The following ZNF621 variants were observed in gnomAD, a reference collection of about 807,000 sequenced individuals.
ZNF621 encodes zinc finger protein 621.
A neutral mutation model predicts 12.7 loss-of-function variants in ZNF621; 6 were observed. That is an observed-to-expected ratio of 0.47 (90% CI 0.26 to 0.93). ZNF621 has a LOEUF of 0.93. ZNF621 is among the 40% of genes least tolerant of loss of function. The probability of loss-of-function intolerance (pLI) is 0.15; values close to 1 mark genes in which losing one functional copy is unlikely to be tolerated. For synonymous variants in ZNF621, 156 were observed against 190.3 expected, an observed-to-expected ratio of 0.82 and a Z score of 1.48; for missense variants, 474 against 524.0, an observed-to-expected ratio of 0.90 and a Z score of 0.93.
At chr3:40,529,719 C>A in intron 3 of ZNF621, 1 of 740,532 alleles carries the variant, frequency 1.4e-6, no homozygotes, top group Non-Finnish European at 2.0e-6. Context: ...AACTCCTGGG[C>A]TCAAGCAATT....
chr3:40,532,737 GTGTGTGGGAAAGCCTTCAAA>G lies in ZNF621; in HGVS notation c.970_989del (p.Cys324ValfsTer207). On this transcript the variant is annotated frameshift_variant, in exon 5 of 5. Transcript: ENST00000339296. LOFTEE classifies it low-confidence loss of function (END_TRUNC). Reference sequence around the variant, plus strand: ...TGGGGAGAAGCCTTATGAATGTAAGGTGTGTGGGAAAGCCTTCAAATGGTATGGAAGTTTTGTTCAGCATC... The same window carrying G: ...TGGGGAGAAGCCTTATGAATGTAAGGTGGTATGGAAGTTTTGTTCAGCATC... 1 of 1,614,194 alleles carries G rather than the reference GTGTGTGGGAAAGCCTTCAAA, an allele frequency of 6.2e-7. No homozygotes were observed.
In ZNF621 at chr3:40,538,689, T is replaced by C. The variant is rs79947432; in HGVS notation, c.*5599T>C. The C allele has an allele frequency of 0.02, 3,121 of 152,546 alleles. 119 individuals carry two copies. The highest frequency in any genetic ancestry group is 0.14 in the South Asian group (664 of 4,840). 9.4% of individuals were successfully genotyped at this position (152,546 alleles called of 1,614,324 possible). On this transcript the variant is annotated 3_prime_UTR_variant, in exon 5 of 5. Transcript: ENST00000339296. The stretch of plus-strand genomic sequence containing the variant: ...GTAATTTTGACTTTCAAGTATTATT[T>C]AAGGAATACATTTTGTAAGGCTGTG...
rs1698545884 is a variant in ZNF621 at position 40,525,113 on chromosome 3, G to A, written c.-224G>A. The A allele has an allele frequency of 6.6e-6, 1 of 152,476 alleles. No individual in the cohort carries two copies. The highest frequency in any genetic ancestry group is 1.5e-5 in the Non-Finnish European group (1 of 68,268). 9.4% of individuals were successfully genotyped at this position (152,476 alleles called of 1,614,324 possible). On this transcript the variant is annotated 5_prime_UTR_variant, in exon 1 of 5. An upstream start codon of the reference 5' UTR is lost. Transcript: ENST00000339296. The stretch of plus-strand genomic sequence containing the variant: ...CACTACCCCTGAACTTGGTCCCAAT[G>A]GCGGCCCGCCCCTCCTTCACCCGGA...
chr3:40,526,007 G>T, intron 2 of ZNF621, 143 bp downstream of exon 2: 1 of 906,206 alleles, frequency 1.1e-6, no homozygotes, highest in South Asian at 1.5e-5. Context: ...CCAGGGCTAT[G>T]GCAGATGTAA....
At position 40,532,794 on chromosome 3, in the gene ZNF621, C is replaced by A. The variant is rs777551574; in HGVS notation, c.1024C>A (p.Pro342Thr). 16 of 1,613,994 alleles carry A rather than the reference C, an allele frequency of 9.9e-6. No homozygotes were observed. Among genetic ancestry groups the A allele is most frequent in the Non-Finnish European group, 1.4e-5 (16 of 1,180,038 alleles). Residue 342 changes from proline to threonine, a missense_variant, in exon 5 of 5, where the codon CCT becomes ACT. Transcript: ENST00000339296. ...TTTTGTTCAGCATCAGAAATTGCAC[C>A]CTGTGGAGAAGAAGCCAGTCAAGGT... ...GSFVQHQKLH[P>T]VEKKPVKVLG...
intron 4 of ZNF621, among the ~76,000 whole-genome samples, chr3:40,531,045 A>T (rs1267300937): frequency 6.6e-6 from 1 of 152,244 alleles, no homozygotes; most frequent in Admixed American, 6.5e-5. Context: ...ATGCTTTTGT[A>T]TATAGTGGTT....
rs1698930564 is a variant in ZNF621 at position 40,538,740 on chromosome 3, A to G, written c.*5650A>G. 1 of 152,454 alleles carries G rather than the reference A, an allele frequency of 6.6e-6. No homozygotes were observed. Among genetic ancestry groups the G allele is most frequent in the South Asian group, 2.1e-4 (1 of 4,842 alleles). The allele number at this position is 152,454 out of a possible 1,614,324, so 9.4% of individuals were successfully genotyped here. A position where few individuals can be genotyped will look rare whatever the true frequency, so the allele number is the denominator to read the frequency against. On this transcript the variant is annotated 3_prime_UTR_variant, in exon 5 of 5. Transcript: ENST00000339296. ...GCTGCCATAGTGGTTGTTCTGTACAAAGTAACTTGAAAACCTTCTGGAAAG... is the reference window on the plus strand; with the variant it reads ...GCTGCCATAGTGGTTGTTCTGTACAGAGTAACTTGAAAACCTTCTGGAAAG...
chr3:40,529,109 T>G (rs960519296), intron 2 of ZNF621, among the ~76,000 whole-genome samples: 1 of 152,206 alleles, frequency 6.6e-6, no homozygotes, highest in African/African-American at 2.4e-5. Context: ...GCTGGGTAGA[T>G]GGGAGAGTGT....
intron 3 of ZNF621, chr3:40,529,662 AC>A: frequency 7.8e-7 from 1 of 1,288,802 alleles, no homozygotes; most frequent in South Asian, 1.3e-5. Context: ...TCGCTCTGTC[AC>A]CTAGGCTGGA....
At chr3:40,530,441 C>T (rs925211606) in intron 4 of ZNF621, 125 bp downstream of exon 4, 2 of 738,446 alleles carry the variant, frequency 2.7e-6, no homozygotes, top group Non-Finnish European at 4.4e-6. Flanking sequence ...TCACTGTACT[C>T]TCTGACCTCA....
rs1311943548 is a variant in ZNF621 at position 40,535,334 on chromosome 3, A to C, written c.*2244A>C. The C allele has an allele frequency of 6.6e-6, 1 of 152,228 alleles. No individual in the cohort carries two copies. Among genetic ancestry groups the C allele is most frequent in the Non-Finnish European group, 1.5e-5 (1 of 68,052 alleles). 9.4% of individuals were successfully genotyped at this position (152,228 alleles called of 1,614,324 possible). ...CACTTCTGGTTCCTCATTCCGTGTC[A>C]GTGATCAGCAGTAGACTGAAGAATC... is the stretch of plus-strand genomic sequence containing the variant. On this transcript the variant is annotated 3_prime_UTR_variant, in exon 5 of 5. Transcript: ENST00000339296.
chr3:40,533,272 C>G lies in ZNF621; in HGVS notation c.*182C>G. 9.7e-7 allele frequency: 1 copy of G among 1,033,160 alleles called. No homozygotes were observed. Among genetic ancestry groups the G allele is most frequent in the Non-Finnish European group, 1.3e-6 (1 of 740,748 alleles). 64.0% of individuals were successfully genotyped at this position (1,033,160 alleles called of 1,614,324 possible). A position where few individuals can be genotyped will look rare whatever the true frequency, so the allele number is the denominator to read the frequency against. On this transcript the variant is annotated 3_prime_UTR_variant, in exon 5 of 5. Coordinates refer to ENST00000339296, the MANE Select transcript of ZNF621 (RefSeq NM_198484.5). ...TCTCCTCCTTCAGACTCTCGAATAG[C>G]TGGGATTACAGGCACGCCTCACCAC...
upstream of ZNF621, among the ~76,000 whole-genome samples, chr3:40,523,769 A>C (rs9758654): frequency 2.0e-5 from 3 of 146,394 alleles, no homozygotes; most frequent in Non-Finnish European, 4.4e-5. Flanking sequence ...CCGTCTCAAA[A>C]AAACAAACAA....
In ZNF621 at chr3:40,529,443, T is replaced by C; in HGVS notation, c.149T>C (p.Leu50Pro). The stretch of plus-strand genomic sequence containing the variant: ...GAGAATTATGCAAATGTGGCTTCTC[T>C]GGGTAAGGCCTCCCTCTGTGGCCCT... ...MLENYANVAS[L>P]VAFPFPKPAL... is the part of the protein sequence containing the mutation. The change falls in exon 3 of 5, where the codon CTG becomes CCG. Residue 50 changes from leucine (L) to proline (P), a missense_variant and splice_region_variant. Transcript: ENST00000339296. 6.2e-7 allele frequency: 1 copy of C among 1,612,936 alleles called. No individual in the cohort carries two copies. Among genetic ancestry groups the C allele is most frequent in the Non-Finnish European group, 8.5e-7 (1 of 1,179,242 alleles).
At position 40,530,261 on chromosome 3, in the gene ZNF621, A is replaced by C; in HGVS notation, c.204A>C (p.Glu68Asp). 2 of 1,614,054 alleles carry C rather than the reference A, an allele frequency of 1.2e-6. No homozygotes were observed. Among genetic ancestry groups the C allele is most frequent in the Non-Finnish European group, 1.7e-6 (2 of 1,179,992 alleles). ...PALISHLERG[E>D]APWGPDPWDT... ...TGATCTCCCACCTGGAGAGAGGGGA[A>C]GCACCATGGGGCCCAGATCCCTGGG... Residue 68 changes from glutamate (E) to aspartate (D), a missense_variant, in exon 4 of 5, where the codon GAA (glutamate) becomes GAC (aspartate). Physicochemically the swap from Glu to Asp is conservative, Grantham distance 45. Transcript: ENST00000339296.
chr3:40,523,800 A>AAAAAAAAAAC (rs373747734), upstream of ZNF621, among the ~76,000 whole-genome samples: 42 of 147,714 alleles, frequency 2.8e-4, no homozygotes, highest in African/African-American at 7.6e-4. Flanking sequence ...AGCAAAAAAA[A>AAAAAAAAAAC]AAAAAACAAA....
At chr3:40,530,367 A>G (rs751227345) in intron 4 of ZNF621, 51 bp downstream of exon 4, 3 of 1,460,426 alleles carry the variant, frequency 2.1e-6, no homozygotes, top group Non-Finnish European at 2.9e-6. Flanking sequence ...TTCCTGGTTT[A>G]CTAGGTAAGA....
At chr3:40,530,088 A>C (rs1698686038) in intron 3 of ZNF621, 121 bp from the exon 4 acceptor site, 1 of 714,564 alleles carries the variant, frequency 1.4e-6, no homozygotes, top group South Asian at 1.9e-5. Flanking sequence ...CAGAACTCTC[A>C]CTTGGTCTGC....
Position 40,532,215 on chromosome 3 carries a change from A to G in ZNF621, c.445A>G (p.Lys149Glu). The stretch of plus-strand genomic sequence containing the variant: ...AAATCTGATACTTCGAGGTGGAATG[A>G]AGTTCTATGAATGTAAAGAATGTGG... ...NPNLILRGGM[K>E]FYECKECGKI... Residue 149 changes from lysine to glutamate, a missense_variant, in exon 5 of 5, where the codon AAG becomes GAG. By Grantham distance (56) the Lys-to-Glu change is moderately conservative. Transcript: ENST00000339296. 1 of 1,614,204 alleles carries G rather than the reference A, an allele frequency of 6.2e-7. No homozygotes were observed. The highest frequency in any genetic ancestry group is 8.5e-7 in the Non-Finnish European group (1 of 1,180,038).
Sources: allele counts gnomAD v4.1 joint callset (sites outside exome capture counted in the v4.1 genomes callset), GRCh38; gene constraint gnomAD v4.1.1; transcripts MANE v1.5; gene names NCBI Gene and HGNC (gene_info 2026-07-23, HGNC 2026-07-21).